Variants in DPP10 observed in about 807,000 individuals in gnomAD.
DPP10 encodes inactive dipeptidyl peptidase 10.
DPP10 carries 33 observed loss-of-function variants against 120.9 expected under a neutral mutation model. The ratio of observed to expected loss-of-function variants is 0.27; its 90% CI spans 0.21 to 0.37. DPP10 has a LOEUF of 0.37. Among genes scored for constraint, DPP10 ranks in the 10% least tolerant of loss-of-function variants. The pLI is 1.00. For synonymous variants in DPP10, 337 were observed against 326.1 expected (o/e 1.03, Z -0.36); for missense variants, 816 against 942.8 (o/e 0.87, Z 1.76).
intron 1 of DPP10, among the ~76,000 whole-genome samples, chr2:115,006,384 A>G (rs868359440): frequency 2.0e-5 from 3 of 152,202 alleles, no homozygotes; most frequent in African/African-American, 7.2e-5. Context: ...CTTTAAATGT[A>G]AATGGACTAA....
At chr2:114,683,909 C>T (rs530428034) in intron 1 of DPP10, among the ~76,000 whole-genome samples, 1 of 152,030 alleles carries the variant, frequency 6.6e-6, no homozygotes, top group African/African-American at 2.4e-5. Flanking sequence ...TGTCCAAACT[C>T]GCTGTTTAAG....
chr2:115,632,391 C>T lies in DPP10; in HGVS notation c.442-57296C>T, dbSNP rs189150631. On this transcript the variant is annotated intron_variant, in intron 5 of 25. Coordinates refer to ENST00000410059, the MANE Select transcript of DPP10 (RefSeq NM_020868.6). ...TCTGTCTTTTGATCAGGGCATTTAGCATGTTTACATTTAAGGTTAATATTA... is the reference window on the plus strand; with the variant it reads ...TCTGTCTTTTGATCAGGGCATTTAGTATGTTTACATTTAAGGTTAATATTA... 2.5e-4 allele frequency among the ~76,000 whole-genome samples: 38 copies of T among 152,076 alleles called. No individual in the cohort carries two copies. The East Asian group carries it at 7.3e-3, about 29-fold the overall frequency.
At chr2:115,506,775 T>C (rs964078996) in intron 4 of DPP10, among the ~76,000 whole-genome samples, 7 of 152,116 alleles carry the variant, frequency 4.6e-5, no homozygotes, top group African/African-American at 1.7e-4. Flanking sequence ...AACCAGTCTA[T>C]CCATTTTACT....
chr2:115,447,273 C>T (rs1163572958), intron 3 of DPP10, among the ~76,000 whole-genome samples: 2 of 152,172 alleles, frequency 1.3e-5, no homozygotes, highest in African/African-American at 4.8e-5. Context: ...ATGCCTGTAC[C>T]CCCATTGTAT....
chr2:114,673,798 A>T (rs1698500194), intron 1 of DPP10, among the ~76,000 whole-genome samples: 2 of 152,164 alleles, frequency 1.3e-5, no homozygotes, highest in African/African-American at 4.8e-5. Context: ...TATTCTATGA[A>T]ATACACTAAT....
intron 5 of DPP10, among the ~76,000 whole-genome samples, chr2:115,659,380 T>C (rs975210409): frequency 5.3e-5 from 8 of 152,154 alleles, no homozygotes; most frequent in African/African-American, 1.7e-4. Flanking sequence ...ATGTGCATTT[T>C]CTTTTATTTA....
chr2:115,136,668 A>C (rs904849711), intron 1 of DPP10, among the ~76,000 whole-genome samples: 4 of 152,112 alleles, frequency 2.6e-5, no homozygotes, highest in African/African-American at 9.7e-5. Flanking sequence ...TAAAAAAAAA[A>C]CCATAAAGCA....
chr2:115,009,875 A>G (rs1349252596), intron 1 of DPP10, among the ~76,000 whole-genome samples: 4 of 152,240 alleles, frequency 2.6e-5, no homozygotes, highest in Non-Finnish European at 5.9e-5. Flanking sequence ...ACTCATTAAT[A>G]CAAATTTTTT....
chr2:115,523,089 C>G (rs1470239417), intron 4 of DPP10, among the ~76,000 whole-genome samples: 2 of 152,130 alleles, frequency 1.3e-5, no homozygotes, highest in African/African-American at 2.4e-5. Flanking sequence ...TCTGCAGCAT[C>G]AGTGACCTGC....
At chr2:115,556,264 C>G (rs1423584410) in intron 5 of DPP10, among the ~76,000 whole-genome samples, 1 of 151,826 alleles carries the variant, frequency 6.6e-6, no homozygotes, top group Non-Finnish European at 1.5e-5. Context: ...CTTGGTCAAT[C>G]CATGGCCTCT....
chr2:114,474,949 G>A (rs759620924), intron 1 of DPP10, among the ~76,000 whole-genome samples: 2 of 152,194 alleles, frequency 1.3e-5, no homozygotes, highest in Non-Finnish European at 2.9e-5. Flanking sequence ...GGAACCTGGA[G>A]GCCTTGCCAT....
intron 1 of DPP10, among the ~76,000 whole-genome samples, chr2:115,276,694 C>T (rs1433580964): frequency 2.0e-5 from 3 of 152,222 alleles, no homozygotes; most frequent in African/African-American, 7.2e-5. Flanking sequence ...GAGATACAAT[C>T]ATCTTTATTG....
intron 1 of DPP10, among the ~76,000 whole-genome samples, chr2:114,847,572 C>T (rs1395538336): frequency 1.3e-5 from 2 of 152,080 alleles, no homozygotes; most frequent in Non-Finnish European, 2.9e-5. Flanking sequence ...AAACACTGTT[C>T]CAATGAAGGA....
intron 3 of DPP10, among the ~76,000 whole-genome samples, chr2:115,399,815 A>G (rs1459029191): frequency 6.6e-6 from 1 of 152,158 alleles, no homozygotes; most frequent in Non-Finnish European, 1.5e-5. Context: ...TAAAAATTCT[A>G]ATGGTTCTCT....
intron 1 of DPP10, among the ~76,000 whole-genome samples, chr2:114,548,013 C>T (rs114718098): frequency 0.015 from 2,338 of 152,170 alleles, 59 homozygotes; most frequent in African/African-American, 0.052. Flanking sequence ...CCACAGTTGA[C>T]GTGGTCCCTG....
At chr2:114,448,902 T>C (rs1029088671) in intron 1 of DPP10, among the ~76,000 whole-genome samples, 1 of 152,188 alleles carries the variant, frequency 6.6e-6, no homozygotes, top group Non-Finnish European at 1.5e-5. Flanking sequence ...GGTCATTTAG[T>C]AGAGATAATG....
intron 1 of DPP10, among the ~76,000 whole-genome samples, chr2:115,114,257 A>G (rs2049383289): frequency 6.6e-6 from 1 of 152,192 alleles, no homozygotes; most frequent in South Asian, 2.1e-4. Context: ...TGTATGCCTC[A>G]AACTGCAATT....
intron 2 of DPP10, among the ~76,000 whole-genome samples, chr2:115,332,436 C>G (rs1398520102): frequency 1.3e-5 from 2 of 152,168 alleles, no homozygotes; most frequent in East Asian, 3.9e-4. Flanking sequence ...CAGTTCTGCT[C>G]TGATCTTAGT....
At chr2:115,783,798 A>C (rs1683040538) in intron 17 of DPP10, among the ~76,000 whole-genome samples, 2 of 152,204 alleles carry the variant, frequency 1.3e-5, no homozygotes, top group South Asian at 4.1e-4. Context: ...ATCAGTGTAT[A>C]AAATAAGTCT....
Sources: gnomAD v4.1 joint callset for allele counts (sites outside exome capture counted in the v4.1 genomes callset) on GRCh38, gnomAD v4.1.1 for gene constraint, MANE v1.5 for transcripts, NCBI Gene and HGNC (gene_info 2026-07-23, HGNC 2026-07-21) for gene names.